Variants in ST8SIA1 observed in about 807,000 individuals in gnomAD.
ST8SIA1 encodes the protein ST8 alpha-N-acetyl-neuraminide alpha-2,8-sialyltransferase 1.
A neutral mutation model predicts 35.9 loss-of-function variants in ST8SIA1; 16 were observed. The ratio of observed to expected loss-of-function variants is 0.45; its 90% CI spans 0.30 to 0.68. ST8SIA1 has a LOEUF of 0.68. Among genes scored for constraint, ST8SIA1 ranks in the 30% least tolerant of loss-of-function variants. The pLI, the probability that ST8SIA1 is intolerant of heterozygous loss-of-function variation, is 0.09. For synonymous variants in ST8SIA1, 170 were observed against 169.6 expected, an observed-to-expected ratio of 1.00 and a Z score of -0.02; for missense variants, 383 against 453.6, an observed-to-expected ratio of 0.84 and a Z score of 1.41.
Position 22,202,101 on chromosome 12 carries a change from C to T in ST8SIA1, c.585-63G>A, listed in dbSNP as rs1865054919. 1.8e-5 allele frequency: 27 copies of T among 1,459,742 alleles called. No individual in the cohort carries two copies. In the South Asian group the frequency reaches 3.6e-4, roughly 20 times the overall value. The allele number at this position is 1,459,742 out of a possible 1,614,324, so 90.4% of individuals were successfully genotyped here. A position where few individuals can be genotyped will look rare whatever the true frequency, so the allele number is the denominator to read the frequency against. On this transcript the variant is annotated intron_variant, in intron 4 of 4. Transcript: ENST00000396037. The stretch of plus-strand genomic sequence containing the variant: ...AGAAAAAGAAACTCACCAAAACCCA[C>T]TCTGTTGTCTTCTGGTGGCCCTGAT...
chr12:22,309,229 G>A (rs141091052), intron 1 of ST8SIA1, among the ~76,000 whole-genome samples: 2,367 of 152,134 alleles, frequency 0.016, 103 homozygotes, highest in South Asian at 0.14. Flanking sequence ...CTCCTCCCTC[G>A]CTAACTACCA....
intron 1 of ST8SIA1, among the ~76,000 whole-genome samples, chr12:22,305,943 A>G (rs900261342): frequency 1.3e-5 from 2 of 152,204 alleles, no homozygotes; most frequent in African/African-American, 4.8e-5. Flanking sequence ...GGCAGTAAGA[A>G]GGTTTGTTTT....
At chr12:22,238,882 C>A (rs187256279) in intron 4 of ST8SIA1, among the ~76,000 whole-genome samples, 2 of 152,108 alleles carry the variant, frequency 1.3e-5, no homozygotes, top group African/African-American at 4.8e-5. Context: ...GAGGTATATT[C>A]TTCAGATTTT....
chr12:22,254,706 C>G (rs1387212887), intron 3 of ST8SIA1, among the ~76,000 whole-genome samples: 3 of 152,108 alleles, frequency 2.0e-5, no homozygotes, highest in Non-Finnish European at 4.4e-5. Flanking sequence ...CCCGCAGGGG[C>G]CTCCTGTTTT....
In ST8SIA1 at chr12:22,195,370, C is replaced by T. The variant is rs965726428; in HGVS notation, c.*6182G>A. 24 of 152,086 alleles carry T rather than the reference C, an allele frequency of 1.6e-4. No homozygotes were observed. The highest frequency in any genetic ancestry group is 5.1e-4 in the African/African-American group (21 of 41,414). The allele number at this position is 152,086 out of a possible 1,614,324, so 9.4% of individuals were successfully genotyped here. A position where few individuals can be genotyped will look rare whatever the true frequency, so the allele number is the denominator to read the frequency against. On this transcript the variant is annotated 3_prime_UTR_variant, in exon 5 of 5. Coordinates refer to ENST00000396037, the MANE Select transcript of ST8SIA1 (RefSeq NM_003034.4). ...GGTACCACTCTGTTCTCTCCGTCAG[C>T]ATCTCATGATCTGTCTGTCACACTG...
Position 22,197,821 on chromosome 12 carries a change from C to G in ST8SIA1, c.*3731G>C, listed in dbSNP as rs1423618451. On this transcript the variant is annotated 3_prime_UTR_variant, in exon 5 of 5. Coordinates refer to ENST00000396037, the MANE Select transcript of ST8SIA1 (RefSeq NM_003034.4). ...TGTCTGAACATGTGCCATTTGAGATCATTTACTTCCTACCCTTGTGAAGAC... is the reference window on the plus strand; with the variant it reads ...TGTCTGAACATGTGCCATTTGAGATGATTTACTTCCTACCCTTGTGAAGAC... 2.6e-5 allele frequency: 4 copies of G among 152,134 alleles called. No individual in the cohort carries two copies. The East Asian group carries it at 7.7e-4, about 29-fold the overall frequency. The allele number at this position is 152,134 out of a possible 1,614,324, so 9.4% of individuals were successfully genotyped here. A position where few individuals can be genotyped will look rare whatever the true frequency, so the allele number is the denominator to read the frequency against.
rs768856522 is a variant in ST8SIA1 at position 22,333,902 on chromosome 12, C to T, written c.236+95G>A. On this transcript the variant is annotated intron_variant, in intron 1 of 4. Coordinates refer to ENST00000396037, the MANE Select transcript of ST8SIA1 (RefSeq NM_003034.4). The stretch of plus-strand genomic sequence containing the variant: ...AGAGCGGATGAAAGGGATGCCTCTG[C>T]GAGACGGTGCAAGGCGGTCCTCGCC... 5 of 1,071,990 alleles carry T rather than the reference C, an allele frequency of 4.7e-6. No individual in the cohort carries two copies. In the Middle Eastern group the frequency reaches 5.9e-4, roughly 127 times the overall value. 66.4% of individuals were successfully genotyped at this position (1,071,990 alleles called of 1,614,324 possible).
intron 1 of ST8SIA1, among the ~76,000 whole-genome samples, chr12:22,297,295 G>A (rs1866258131): frequency 6.6e-6 from 1 of 151,190 alleles, no homozygotes; most frequent in African/African-American, 2.4e-5. Context: ...GATAAGGGAA[G>A]TGACATATTT....
intron 2 of ST8SIA1, among the ~76,000 whole-genome samples, chr12:22,273,718 T>C (rs976771086): frequency 1.3e-5 from 2 of 152,128 alleles, no homozygotes; most frequent in African/African-American, 4.8e-5. Context: ...CACTTGGTGA[T>C]TGTATCCACC....
intron 1 of ST8SIA1, among the ~76,000 whole-genome samples, chr12:22,306,699 C>A (rs1453208539): frequency 6.6e-6 from 1 of 152,052 alleles, no homozygotes; most frequent in Non-Finnish European, 1.5e-5. Context: ...TTTTTATATT[C>A]ATTGTGCTGG....
chr12:22,329,331 C>T (rs1235354468), intron 1 of ST8SIA1, among the ~76,000 whole-genome samples: 1 of 152,062 alleles, frequency 6.6e-6, no homozygotes, highest in African/African-American at 2.4e-5. Flanking sequence ...CACAAACCTA[C>T]TTTATAAGGT....
intron 1 of ST8SIA1, among the ~76,000 whole-genome samples, chr12:22,330,854 A>C (rs1282337955): frequency 6.6e-6 from 1 of 152,204 alleles, no homozygotes; most frequent in African/African-American, 2.4e-5. Context: ...GAAATGGGTG[A>C]GGATCTGATG....
intron 4 of ST8SIA1, among the ~76,000 whole-genome samples, chr12:22,210,040 C>G (rs1413104810): frequency 6.6e-6 from 1 of 152,072 alleles, no homozygotes; most frequent in African/African-American, 2.4e-5. Flanking sequence ...AATGCCATCA[C>G]TAATAGAATG....
Position 22,194,631 on chromosome 12 carries a change from T to C in ST8SIA1, c.*6921A>G, listed in dbSNP as rs1203733363. ...CAGGTAAAGGGCTTATGTGTGTTTG[T>C]GTTGTGTACACTAGAATACAGGGTA... On this transcript the variant is annotated 3_prime_UTR_variant, in exon 5 of 5. Transcript: ENST00000396037. 1 of 152,190 alleles carries C rather than the reference T, an allele frequency of 6.6e-6. No homozygotes were observed. Among genetic ancestry groups the C allele is most frequent in the Non-Finnish European group, 1.5e-5 (1 of 68,050 alleles). The allele number at this position is 152,190 out of a possible 1,614,324, so 9.4% of individuals were successfully genotyped here. A position where few individuals can be genotyped will look rare whatever the true frequency, so the allele number is the denominator to read the frequency against.
At position 22,199,154 on chromosome 12, in the gene ST8SIA1, C is replaced by A. The variant is rs1182739310; in HGVS notation, c.*2398G>T. On this transcript the variant is annotated 3_prime_UTR_variant, in exon 5 of 5. Coordinates refer to ENST00000396037, the MANE Select transcript of ST8SIA1 (RefSeq NM_003034.4). The stretch of plus-strand genomic sequence containing the variant: ...TCCACATAATATTTTCTTTCTTTTT[C>A]TTTTCTTTTTTTTTTTTTTGAGACA... 2.4e-5 allele frequency: 2 copies of A among 82,758 alleles called. No homozygotes were observed. Among genetic ancestry groups the A allele is most frequent in the Admixed American group, 1.7e-4 (1 of 5,890 alleles). The allele number at this position is 82,758 out of a possible 1,614,324, so 5.1% of individuals were successfully genotyped here.
chr12:22,320,357 C>T (rs919122664), intron 1 of ST8SIA1, among the ~76,000 whole-genome samples: 12 of 152,118 alleles, frequency 7.9e-5, no homozygotes, highest in African/African-American at 2.2e-4. Flanking sequence ...TTATGTTTAC[C>T]ACTCCACAGG....
chr12:22,294,596 T>C (rs1866220781), intron 1 of ST8SIA1, among the ~76,000 whole-genome samples: 1 of 152,230 alleles, frequency 6.6e-6, no homozygotes, highest in Non-Finnish European at 1.5e-5. Context: ...AATCTTGTAT[T>C]TAGCAGTATT....
chr12:22,253,968 C>A (rs1474980689), intron 3 of ST8SIA1, among the ~76,000 whole-genome samples: 1 of 152,206 alleles, frequency 6.6e-6, no homozygotes, highest in Non-Finnish European at 1.5e-5. Flanking sequence ...GCTCAGGGCT[C>A]AGAGGTGACT....
intron 2 of ST8SIA1, among the ~76,000 whole-genome samples, chr12:22,269,684 G>A (rs867752031): frequency 1.3e-5 from 2 of 152,136 alleles, no homozygotes; most frequent in South Asian, 2.1e-4. Flanking sequence ...GCTGAGAAAC[G>A]GGAGTATCAG....
Sources: gnomAD v4.1 joint callset for allele counts (sites outside exome capture counted in the v4.1 genomes callset) on GRCh38, gnomAD v4.1.1 for gene constraint, MANE v1.5 for transcripts, NCBI Gene and HGNC (gene_info 2026-07-23, HGNC 2026-07-21) for gene names.